PCNX4: variants seen among roughly 807,000 people sequenced by gnomAD.
PCNX4 encodes pecanex 4.
In PCNX4, 103 loss-of-function variants were observed where a neutral mutation model predicts 107.2. That is an observed-to-expected ratio of 0.96 (90% CI 0.82 to 1.13). The LOEUF (loss-of-function observed/expected upper bound fraction) is 1.13. Among genes scored for constraint, PCNX4 ranks in the 50% most tolerant of loss-of-function variants. PCNX4 has a pLI of 0.00. For missense variants in PCNX4, 1,528 were observed against 1,379.4 expected, an observed-to-expected ratio of 1.11 and a Z score of -1.71; for synonymous variants, 541 against 481.7, an observed-to-expected ratio of 1.12 and a Z score of -1.61.
chr14:60,120,655 C>A (rs764285958), intron 7 of PCNX4, among the ~76,000 whole-genome samples: 2 of 152,142 alleles, frequency 1.3e-5, no homozygotes. Context: ...TAAATTGATA[C>A]AATGTATTTT....
chr14:60,119,133 A>G (rs1191823638), intron 7 of PCNX4, among the ~76,000 whole-genome samples: 1 of 152,166 alleles, frequency 6.6e-6, no homozygotes, highest in Admixed American at 6.5e-5. Flanking sequence ...TTCATGCTTT[A>G]TGAGTTACAG....
chr14:60,106,734 A>T (rs1025005507), intron 1 of PCNX4, among the ~76,000 whole-genome samples: 1 of 150,482 alleles, frequency 6.6e-6, no homozygotes, highest in African/African-American at 2.4e-5. Flanking sequence ...ACTAGAGGAA[A>T]GATTATTTTT....
At position 60,118,434 on chromosome 14, in the gene PCNX4, A is replaced by G. The variant is rs75318366; in HGVS notation, c.1684A>G (p.Thr562Ala). 2 of 1,613,436 alleles carry G rather than the reference A, an allele frequency of 1.2e-6. No individual in the cohort carries two copies. Among genetic ancestry groups the G allele is most frequent in the African/African-American group, 1.3e-5 (1 of 74,928 alleles). The change falls in exon 7 of 11, where the codon ACT (threonine) becomes GCT (alanine). Residue 562 changes from threonine to alanine, a missense_variant. Coordinates refer to ENST00000406854, the MANE Select transcript of PCNX4 (RefSeq NM_001330177.2). The stretch of plus-strand genomic sequence containing the variant: ...AGAGAAAAAACAACGTCGAAAAACA[A>G]CTGCCACTTTATGTATACTCAACAT... Reference protein sequence around the residue: ...WTEKKQRRKTTATLCILNIVF... With the variant: ...WTEKKQRRKTAATLCILNIVF...
chr14:60,121,118 G>T, intron 7 of PCNX4, 78 bp from the exon 8 acceptor site: 1 of 1,484,296 alleles, frequency 6.7e-7, no homozygotes, highest in Admixed American at 2.3e-5. Flanking sequence ...TTTTAGTTTT[G>T]AAGATTCACA....
At position 60,124,246 on chromosome 14, in the gene PCNX4, A is replaced by G; in HGVS notation, c.2075A>G (p.His692Arg). The G allele has an allele frequency of 6.3e-7, 1 of 1,597,090 alleles. No homozygotes were observed. The highest frequency in any genetic ancestry group is 8.5e-7 in the Non-Finnish European group (1 of 1,171,222). Reference protein sequence around the residue: ...KGLELQETSCHTAEARRVDEV... With the variant: ...KGLELQETSCRTAEARRVDEV... ...TTAGAATTGCAGGAAACATCCTGTCATACTGCAGAAGCTCGCAGAGTTGAT... is the reference window on the plus strand; with the variant it reads ...TTAGAATTGCAGGAAACATCCTGTCGTACTGCAGAAGCTCGCAGAGTTGAT... Residue 692 changes from histidine to arginine, a missense_variant, in exon 9 of 11, where the codon CAT becomes CGT. Physicochemically the swap from His to Arg is conservative, Grantham distance 29. Coordinates refer to ENST00000406854, the MANE Select transcript of PCNX4 (RefSeq NM_001330177.2).
At position 60,135,816 on chromosome 14, in the gene PCNX4, C is replaced by G. The variant is rs575851766; in HGVS notation, c.*1595C>G. ...CCGCCCGCCTCAGCCTCCCAAAGTG[C>G]TGGGATTACAGGCGTGAGCCACCGT... On this transcript the variant is annotated 3_prime_UTR_variant, in exon 11 of 11. Transcript: ENST00000406854. The G allele has an allele frequency of 6.6e-6, 1 of 152,374 alleles. No individual in the cohort carries two copies. Among genetic ancestry groups the G allele is most frequent in the East Asian group, 1.9e-4 (1 of 5,190 alleles). 9.4% of individuals were successfully genotyped at this position (152,374 alleles called of 1,614,324 possible). A position where few individuals can be genotyped will look rare whatever the true frequency, so the allele number is the denominator to read the frequency against.
rs1330414757 is a variant in PCNX4 at position 60,124,552 on chromosome 14, T to C, written c.2381T>C (p.Met794Thr). ...GAAAATAAAGGGAAAGCACCTCTAA[T>C]GTTGCCTGCTTTGAACACTTTGCCA... ...NTENKGKAPL[M>T]LPALNTLPPP... Residue 794 changes from methionine (M) to threonine (T), a missense_variant, in exon 9 of 11, where the codon ATG becomes ACG. By Grantham distance (81) the Met-to-Thr change is moderately conservative. Transcript: ENST00000406854. 6.2e-7 allele frequency: 1 copy of C among 1,613,640 alleles called. No homozygotes were observed. Among genetic ancestry groups the C allele is most frequent in the Non-Finnish European group, 8.5e-7 (1 of 1,179,774 alleles).
In PCNX4 at chr14:60,107,656, T is replaced by C. The variant is rs2140538391; in HGVS notation, c.18T>C (p.Pro6=). The part of the protein sequence containing the change: MSPDV[P]LLNDYKQDFF... ...GAGTGAGGATGAGTCCAGATGTGCCTCTACTGAATGATTACAAGCAGGACT... is the reference window on the plus strand; with the variant it reads ...GAGTGAGGATGAGTCCAGATGTGCCCCTACTGAATGATTACAAGCAGGACT... The change falls in exon 2 of 11, where the codon CCT becomes CCC. Residue 6 remains proline (P), a synonymous_variant. Coordinates refer to ENST00000406854, the MANE Select transcript of PCNX4 (RefSeq NM_001330177.2). The C allele has an allele frequency of 6.2e-7, 1 of 1,612,430 alleles. No individual in the cohort carries two copies. The highest frequency in any genetic ancestry group is 8.5e-7 in the Non-Finnish European group (1 of 1,179,680).
intron 1 of PCNX4, among the ~76,000 whole-genome samples, chr14:60,103,406 A>G (rs1895570078): frequency 6.6e-6 from 1 of 152,156 alleles, no homozygotes; most frequent in African/African-American, 2.4e-5. Flanking sequence ...ATCCATTGTG[A>G]CTCTTCAAGA....
rs796807567 is a variant in PCNX4, at chr14:60,137,931, TA to T, written c.*3721del. 4.8e-4 allele frequency: 68 copies of T among 142,026 alleles called. No homozygotes were observed. The highest frequency in any genetic ancestry group is 4.5e-4 in the South Asian group (2 of 4,462). The allele number at this position is 142,026 out of a possible 1,614,324, so 8.8% of individuals were successfully genotyped here. On this transcript the variant is annotated 3_prime_UTR_variant, in exon 11 of 11. Coordinates refer to ENST00000406854, the MANE Select transcript of PCNX4 (RefSeq NM_001330177.2). ...AATGAAACCCCATCTGTAGTAAAAATAAAAAAAAAAATAACCGGGTGTGGTG... is the reference window on the plus strand; with the variant it reads ...AATGAAACCCCATCTGTAGTAAAAATAAAAAAAAAATAACCGGGTGTGGTG...
In PCNX4 at chr14:60,107,477, A is replaced by G. The variant is rs932402380; in HGVS notation, c.-53-109A>G. ...AGGGGTCTGAGAAGTACAGTTATAA[A>G]TCCTACCCTTGAAGGAAGTGAGGAG... On this transcript the variant is annotated intron_variant, in intron 1 of 10. Transcript: ENST00000406854. The G allele has an allele frequency of 5.2e-5, 34 of 659,856 alleles. 1 individual carries two copies. The highest frequency in any genetic ancestry group is 3.0e-4 in the Admixed American group (10 of 33,156). 40.9% of individuals were successfully genotyped at this position (659,856 alleles called of 1,614,324 possible). A position where few individuals can be genotyped will look rare whatever the true frequency, so the allele number is the denominator to read the frequency against.
intron 1 of PCNX4, among the ~76,000 whole-genome samples, chr14:60,094,559 A>G (rs936399467): frequency 6.6e-6 from 1 of 152,096 alleles, no homozygotes; most frequent in Non-Finnish European, 1.5e-5. Context: ...GAACGTCCCT[A>G]TCATACCCTG....
chr14:60,130,388 C>G (rs1011650925), intron 10 of PCNX4, among the ~76,000 whole-genome samples: 1 of 151,658 alleles, frequency 6.6e-6, no homozygotes, highest in Non-Finnish European at 1.5e-5. Flanking sequence ...TTAACAAAAT[C>G]CCACACCCTT....
At chr14:60,118,811 T>G in intron 7 of PCNX4, 119 bp downstream of exon 7, 1 of 1,132,680 alleles carries the variant, frequency 8.8e-7, no homozygotes, top group East Asian at 2.9e-5. Flanking sequence ...CCATAACAAT[T>G]TGATGTGTAG....
chr14:60,127,124 A>G (rs888790537), intron 10 of PCNX4, among the ~76,000 whole-genome samples: 1 of 152,250 alleles, frequency 6.6e-6, no homozygotes, highest in Non-Finnish European at 1.5e-5. Flanking sequence ...CTTGAAAACA[A>G]TGGAGGACTT....
In PCNX4 at chr14:60,115,979, C is replaced by G. The variant is rs749919721; in HGVS notation, c.1497C>G (p.Val499=). The part of the protein sequence containing the change: ...QNTENALLET[V]IVSTVHLISS... ...CAGAAAATGCTTTATTGGAGACAGT[C>G]ATTGTATCAACAGTACACTTGATCT... The change falls in exon 6 of 11, where the codon GTC becomes GTG. Residue 499 remains valine (V), a synonymous_variant. Transcript: ENST00000406854. The G allele has an allele frequency of 1.9e-6, 3 of 1,612,072 alleles. No homozygotes were observed. The highest frequency in any genetic ancestry group is 2.5e-6 in the Non-Finnish European group (3 of 1,178,670).
rs1305626746 is a variant in PCNX4, at chr14:60,144,659, G to A, written c.*10438G>A. Reference sequence around the variant, plus strand: ...TTGTTTATAAATTACCAAATCTGTGGTATTTTGTTATAGCAGCACAAATGG... The same window carrying A: ...TTGTTTATAAATTACCAAATCTGTGATATTTTGTTATAGCAGCACAAATGG... On this transcript the variant is annotated 3_prime_UTR_variant, in exon 11 of 11. Transcript: ENST00000406854. 8.5e-6 allele frequency: 2 copies of A among 235,756 alleles called. No individual in the cohort carries two copies. The highest frequency in any genetic ancestry group is 1.6e-5 in the Non-Finnish European group (2 of 123,746). The allele number at this position is 235,756 out of a possible 1,614,324, so 14.6% of individuals were successfully genotyped here. A position where few individuals can be genotyped will look rare whatever the true frequency, so the allele number is the denominator to read the frequency against.
chr14:60,114,584 G>A, intron 2 of PCNX4, 116 bp from the exon 3 acceptor site: 1 of 720,800 alleles, frequency 1.4e-6, no homozygotes, highest in Non-Finnish European at 2.1e-6. Flanking sequence ...TGTGGTGTGT[G>A]TGTGTGGTTT....
At chr14:60,123,280 G>T (rs957210807) in intron 8 of PCNX4, among the ~76,000 whole-genome samples, 1 of 151,896 alleles carries the variant, frequency 6.6e-6, no homozygotes, top group Non-Finnish European at 1.5e-5. Context: ...ACACAAGCTG[G>T]GTTAGGCCAT....
Sources: allele counts gnomAD v4.1 joint callset (sites outside exome capture counted in the v4.1 genomes callset), GRCh38; gene constraint gnomAD v4.1.1; transcripts MANE v1.5; gene names NCBI Gene and HGNC (gene_info 2026-07-23, HGNC 2026-07-21).